The following GRIK1 variants were observed in gnomAD, a reference collection of about 807,000 sequenced individuals.
The protein encoded by GRIK1 is glutamate ionotropic receptor kainate type subunit 1.
A neutral mutation model predicts 105.7 loss-of-function variants in GRIK1; 69 were observed. The observed-to-expected ratio is 0.65, with a 90% confidence interval of 0.54 to 0.80. The LOEUF (loss-of-function observed/expected upper bound fraction) is 0.80, where lower values mean the gene tolerates loss of function less well. GRIK1 is among the 30% of genes least tolerant of loss of function. The pLI, the probability that GRIK1 is intolerant of heterozygous loss-of-function variation, is 0.00. For synonymous variants in GRIK1, 438 were observed against 431.3 expected (o/e 1.02, Z -0.19); for missense variants, 1,109 against 1,167.3 (o/e 0.95, Z 0.73).
At chr21:29,901,663 A>T (rs1045647975) in intron 1 of GRIK1, among the ~76,000 whole-genome samples, 12 of 152,190 alleles carry the variant, frequency 7.9e-5, no homozygotes, top group Admixed American at 1.3e-4. Context: ...ATAGCCTACC[A>T]ACCAAAAAAA....
chr21:29,905,772 G>A (rs372558782), intron 1 of GRIK1, among the ~76,000 whole-genome samples: 3 of 148,984 alleles, frequency 2.0e-5, no homozygotes, highest in African/African-American at 5.0e-5. Context: ...GACTACAGGC[G>A]CCCGCCACTA....
chr21:29,537,044 A>T lies in GRIK1; in HGVS notation c.*186T>A, dbSNP rs886728048. 5.5e-5 allele frequency: 21 copies of T among 383,640 alleles called. No homozygotes were observed. Among genetic ancestry groups the T allele is most frequent in the Middle Eastern group, 6.8e-4 (1 of 1,470 alleles). The allele number at this position is 383,640 out of a possible 1,614,324, so 23.8% of individuals were successfully genotyped here. ...TGAGCATACAAATTTATTTTAAAAGAACTGGTGTCACTTCCCAAGTCATAT... is the reference window on the plus strand; with the variant it reads ...TGAGCATACAAATTTATTTTAAAAGTACTGGTGTCACTTCCCAAGTCATAT... On this transcript the variant is annotated 3_prime_UTR_variant, in exon 18 of 18. Transcript: ENST00000327783.
intron 1 of GRIK1, among the ~76,000 whole-genome samples, chr21:29,769,201 T>C (rs1380382183): frequency 1.3e-5 from 2 of 151,966 alleles, no homozygotes; most frequent in Admixed American, 1.3e-4. Flanking sequence ...GAACATGACT[T>C]TATTAGGAGA....
intron 1 of GRIK1, among the ~76,000 whole-genome samples, chr21:29,844,363 C>G (rs552261456): frequency 1.3e-5 from 2 of 152,320 alleles, no homozygotes; most frequent in South Asian, 4.1e-4. Context: ...AAACTCTCAG[C>G]TGGGGTCTAC....
At chr21:29,686,260 T>C (rs1299252189) in intron 3 of GRIK1, among the ~76,000 whole-genome samples, 2 of 152,218 alleles carry the variant, frequency 1.3e-5, no homozygotes, top group East Asian at 3.8e-4. Flanking sequence ...TCAGTTGTGA[T>C]TGTTATGATG....
intron 6 of GRIK1, among the ~76,000 whole-genome samples, chr21:29,647,631 C>A (rs550429403): frequency 6.6e-6 from 1 of 152,306 alleles, no homozygotes; most frequent in African/African-American, 2.4e-5. Flanking sequence ...TTGACTCATA[C>A]ACAATTTTGG....
At chr21:29,776,650 A>T (rs2065951669) in intron 1 of GRIK1, among the ~76,000 whole-genome samples, 1 of 152,136 alleles carries the variant, frequency 6.6e-6, no homozygotes, top group African/African-American at 2.4e-5. Flanking sequence ...TAATATTTTA[A>T]CTCCCTGTTG....
rs193020182 is a variant in GRIK1 at position 29,671,740 on chromosome 21, C to T, written c.726+1243G>A. On this transcript the variant is annotated intron_variant, in intron 4 of 17. Coordinates refer to ENST00000327783, the MANE Select transcript of GRIK1 (RefSeq NM_001330994.2). ...CAGCTTGTGTTATTTTAGATAAAAA[C>T]TTTGCCTATGCCACAATAATGACTT... is the stretch of plus-strand genomic sequence containing the variant. Among the ~76,000 whole-genome samples, 323 of 152,282 alleles carry T rather than the reference C, an allele frequency of 2.1e-3. 2 individuals carry two copies. The highest frequency in any genetic ancestry group is 6.2e-3 in the African/African-American group (259 of 41,558).
chr21:29,883,621 C>T (rs1037565832), intron 1 of GRIK1, among the ~76,000 whole-genome samples: 32 of 151,890 alleles, frequency 2.1e-4, no homozygotes, highest in African/African-American at 7.5e-4. Flanking sequence ...CTCAAGACAC[C>T]CAGGAAGGCA....
intron 1 of GRIK1, among the ~76,000 whole-genome samples, chr21:29,816,440 TA>T (rs1355458087): frequency 1.3e-5 from 2 of 152,112 alleles, no homozygotes; most frequent in African/African-American, 4.8e-5. Flanking sequence ...TCAATCTCAC[TA>T]CCAGGTATTT....
At chr21:29,928,845 T>C (rs1443815830) in intron 1 of GRIK1, among the ~76,000 whole-genome samples, 5 of 152,172 alleles carry the variant, frequency 3.3e-5, no homozygotes, top group Non-Finnish European at 5.9e-5. Context: ...CAAATGCCTC[T>C]CCTTTCATGT....
rs531308822 is a variant in GRIK1 at position 29,788,883 on chromosome 21, G to C, written c.119-94820C>G. On this transcript the variant is annotated intron_variant, in intron 1 of 17. Coordinates refer to ENST00000327783, the MANE Select transcript of GRIK1 (RefSeq NM_001330994.2). ...CGCTGCTGATCTAACAGGAGGCAGA[G>C]CTCAGGTGGTAATGTGAGAATGGGG... Among the ~76,000 whole-genome samples the C allele has an allele frequency of 1.6e-4, 25 of 152,300 alleles. 1 individual carries two copies. The South Asian group carries it at 5.2e-3, about 32-fold the overall frequency.
chr21:29,753,967 C>A (rs975606835), intron 1 of GRIK1, among the ~76,000 whole-genome samples: 1 of 152,112 alleles, frequency 6.6e-6, no homozygotes, highest in Non-Finnish European at 1.5e-5. Flanking sequence ...GTATTGGGAT[C>A]CTTTTTCTTA....
chr21:29,675,377 T>C (rs935344993), intron 3 of GRIK1, among the ~76,000 whole-genome samples: 2 of 152,184 alleles, frequency 1.3e-5, no homozygotes, highest in African/African-American at 4.8e-5. Flanking sequence ...ATAGATTTTT[T>C]TTTTTCATGA....
intron 1 of GRIK1, among the ~76,000 whole-genome samples, chr21:29,862,707 G>C (rs931011811): frequency 2.0e-5 from 3 of 152,224 alleles, no homozygotes; most frequent in Non-Finnish European, 4.4e-5. Flanking sequence ...AACACTACAG[G>C]AGAGGAAGCA....
At chr21:29,665,848 T>C (rs557210037) in intron 4 of GRIK1, among the ~76,000 whole-genome samples, 2 of 152,258 alleles carry the variant, frequency 1.3e-5, no homozygotes, top group Non-Finnish European at 2.9e-5. Context: ...GTGTGTGACC[T>C]GAAGCCTCAT....
At chr21:29,608,341 T>C (rs1464598991) in intron 7 of GRIK1, among the ~76,000 whole-genome samples, 1 of 152,124 alleles carries the variant, frequency 6.6e-6, no homozygotes, top group Non-Finnish European at 1.5e-5. Flanking sequence ...AGCATGAGTG[T>C]GTGTGGAGTA....
rs144986664 is a variant in GRIK1 at position 29,855,781 on chromosome 21, A to C, written c.118+83602T>G. On this transcript the variant is annotated intron_variant, in intron 1 of 17. Coordinates refer to ENST00000327783, the MANE Select transcript of GRIK1 (RefSeq NM_001330994.2). ...AAACAACCCAGATGAGAGGATGGTG[A>C]TGGTGAAGGTGAAAAAATTAACTGA... Among the ~76,000 whole-genome samples, 57 of 152,308 alleles carry C rather than the reference A, an allele frequency of 3.7e-4. No individual in the cohort carries two copies. In the East Asian group the frequency reaches 9.3e-3, roughly 25 times the overall value.
At chr21:29,580,844 C>T (rs2091010646) in intron 13 of GRIK1, among the ~76,000 whole-genome samples, 1 of 152,104 alleles carries the variant, frequency 6.6e-6, no homozygotes, top group Admixed American at 6.6e-5. Context: ...TCCCCGAATT[C>T]ATAGGAAATG....
Sources: allele counts gnomAD v4.1 joint callset (sites outside exome capture counted in the v4.1 genomes callset), GRCh38; gene constraint gnomAD v4.1.1; transcripts MANE v1.5; gene names NCBI Gene and HGNC (gene_info 2026-07-23, HGNC 2026-07-21).